MEGF11: variants seen among roughly 807,000 people sequenced by gnomAD.
MEGF11 encodes the protein multiple EGF like domains 11.
In MEGF11, 126 loss-of-function variants were observed where a neutral mutation model predicts 146.6. The observed-to-expected ratio is 0.86, with a 90% CI of 0.74 to 1.00. The LOEUF (loss-of-function observed/expected upper bound fraction) is 1.00, where lower values mean the gene tolerates loss of function less well. MEGF11 is among the 50% of genes least tolerant of loss of function. MEGF11 has a pLI of 0.00. For synonymous variants in MEGF11, 532 were observed against 583.4 expected, an observed-to-expected ratio of 0.91 and a Z score of 1.27; for missense variants, 1,509 against 1,521.2, an observed-to-expected ratio of 0.99 and a Z score of 0.13.
intron 4 of MEGF11, 131 bp from the exon 5 acceptor site, chr15:66,094,625 G>T (rs977874208): frequency 3.5e-5 from 25 of 705,798 alleles, no homozygotes; most frequent in African/African-American, 1.4e-4. Flanking sequence ...TGACTGGCTT[G>T]GGGGGGAAAA....
intron 1 of MEGF11, among the ~76,000 whole-genome samples, chr15:66,222,386 C>A (rs905524416): frequency 6.6e-6 from 1 of 152,166 alleles, no homozygotes; most frequent in African/African-American, 2.4e-5. Context: ...TACTCTCCCC[C>A]AATCTTCCTT....
intron 5 of MEGF11, among the ~76,000 whole-genome samples, chr15:66,085,072 C>T (rs2086049016): frequency 6.6e-6 from 1 of 152,092 alleles, no homozygotes; most frequent in Non-Finnish European, 1.5e-5. Context: ...ACTTCCCTGA[C>T]AACCTGCACG....
intron 8 of MEGF11, 99 bp from the exon 9 acceptor site, chr15:65,965,219 G>T: frequency 2.1e-6 from 2 of 975,510 alleles, no homozygotes; most frequent in Non-Finnish European, 1.5e-6. Flanking sequence ...TCTGGCCCAG[G>T]CCTGGTGTGC....
chr15:66,094,343 C>T lies in MEGF11; in HGVS notation c.394+59G>A, dbSNP rs2086445555. ...AAAATGTAGCATGCACACACCACAACCCACTCCCCTACCAAGTCAGAGCCA... is the reference window on the plus strand; with the variant it reads ...AAAATGTAGCATGCACACACCACAATCCACTCCCCTACCAAGTCAGAGCCA... On this transcript the variant is annotated intron_variant, in intron 5 of 25. Coordinates refer to ENST00000395614, the MANE Select transcript of MEGF11 (RefSeq NM_001385028.1). 4.9e-6 allele frequency: 7 copies of T among 1,433,994 alleles called. No homozygotes were observed. The South Asian group carries it at 5.1e-5, about 10-fold the overall frequency. The allele number at this position is 1,433,994 out of a possible 1,614,324, so 88.8% of individuals were successfully genotyped here.
chr15:65,926,855 C>T (rs2079389263), intron 13 of MEGF11, among the ~76,000 whole-genome samples: 1 of 152,172 alleles, frequency 6.6e-6, no homozygotes, highest in African/African-American at 2.4e-5. Context: ...CCACTTGGCT[C>T]CTGCTGAGAT....
In MEGF11 at chr15:66,094,424, C is replaced by G. The variant is rs1396511226; in HGVS notation, c.372G>C (p.Trp124Cys). The G allele has an allele frequency of 1.3e-6, 2 of 1,561,696 alleles. No homozygotes were observed. The highest frequency in any genetic ancestry group is 2.4e-5 in the East Asian group (1 of 42,002). Residue 124 changes from tryptophan to cysteine, a missense_variant, in exon 5 of 26, where the codon TGG becomes TGC. By Grantham distance (215) the Trp-to-Cys change is radical. Transcript: ENST00000395614. ...CACCGCTGGAGCAGTCGGGCCCTCC[C>G]CAGCCAGGCTCGCAGTGGCAGGTGT... ...SPDTCHCEPG[W>C]GGPDCSSGCD...
At chr15:66,177,479 C>T (rs2090416058) in intron 1 of MEGF11, among the ~76,000 whole-genome samples, 1 of 152,088 alleles carries the variant, frequency 6.6e-6, no homozygotes, top group African/African-American at 2.4e-5. Flanking sequence ...CTTTCTCCTC[C>T]GATGTCACAT....
chr15:65,997,583 G>A (rs897375572), intron 5 of MEGF11, among the ~76,000 whole-genome samples: 1 of 151,960 alleles, frequency 6.6e-6, no homozygotes, highest in African/African-American at 2.4e-5. Context: ...TATCTAATAC[G>A]ATGTAACCAC....
At chr15:65,990,199 C>G (rs1247604734) in intron 5 of MEGF11, among the ~76,000 whole-genome samples, 1 of 150,486 alleles carries the variant, frequency 6.6e-6, no homozygotes, top group Non-Finnish European at 1.5e-5. Context: ...AACAGAGACT[C>G]TGTCTCTAAA....
At chr15:66,033,100 A>T (rs76607248) in intron 5 of MEGF11, among the ~76,000 whole-genome samples, 1 of 143,198 alleles carries the variant, frequency 7.0e-6, no homozygotes, top group Admixed American at 7.0e-5. Context: ...AAAAAAAAAA[A>T]AAAAAGAAGC....
At chr15:66,060,300 C>A (rs2084849873) in intron 5 of MEGF11, among the ~76,000 whole-genome samples, 1 of 152,118 alleles carries the variant, frequency 6.6e-6, no homozygotes, top group Non-Finnish European at 1.5e-5. Context: ...GAGCAAGCAC[C>A]AAAGCCTCAG....
chr15:66,087,700 C>T (rs1373721848), intron 5 of MEGF11, among the ~76,000 whole-genome samples: 8 of 152,128 alleles, frequency 5.3e-5, no homozygotes, highest in South Asian at 2.1e-4. Context: ...TAGCCCTAAA[C>T]GCCTTCATCA....
chr15:66,117,064 C>T (rs1170594062), intron 4 of MEGF11, among the ~76,000 whole-genome samples: 1 of 152,164 alleles, frequency 6.6e-6, no homozygotes, highest in Non-Finnish European at 1.5e-5. Flanking sequence ...AATAAGGATA[C>T]CTTCCTCATA....
chr15:66,075,763 T>A (rs915903840), intron 5 of MEGF11, among the ~76,000 whole-genome samples: 1 of 152,214 alleles, frequency 6.6e-6, no homozygotes, highest in Non-Finnish European at 1.5e-5. Flanking sequence ...GAGAATGAGC[T>A]AAGCCACCTT....
At chr15:66,122,490 T>C (rs997998330) in intron 3 of MEGF11, among the ~76,000 whole-genome samples, 2 of 152,186 alleles carry the variant, frequency 1.3e-5, no homozygotes, top group African/African-American at 4.8e-5. Context: ...GATTCCTGAA[T>C]TATCCTCAAA....
chr15:65,980,213 A>G (rs1291704691), intron 7 of MEGF11, among the ~76,000 whole-genome samples: 1 of 152,164 alleles, frequency 6.6e-6, no homozygotes, highest in Non-Finnish European at 1.5e-5. Context: ...GAAGAATTCA[A>G]TTTCTTTGCA....
chr15:66,221,622 T>TTTTTTTTTTTTTTTTTTTGA (rs1247289020), intron 1 of MEGF11, among the ~76,000 whole-genome samples: 1 of 151,628 alleles, frequency 6.6e-6, no homozygotes, highest in Non-Finnish European at 1.5e-5. Context: ...TCTCTTTATT[T>TTTTTTTTTTTTTTTTTTTGA]GAGTATATGT....
chr15:66,150,078 T>C (rs2089508012), intron 1 of MEGF11, among the ~76,000 whole-genome samples: 1 of 152,240 alleles, frequency 6.6e-6, no homozygotes, highest in Non-Finnish European at 1.5e-5. Context: ...GGCGGGAGCC[T>C]GGGAGAAGCA....
intron 5 of MEGF11, among the ~76,000 whole-genome samples, chr15:65,990,591 GAAAGA>G (rs1258894078): frequency 1.0e-3 from 94 of 92,194 alleles, no homozygotes; most frequent in African/African-American, 3.4e-3. Context: ...AGGAAAGAAA[GAAAGA>G]AAAGAAAAGA....
Sources: allele counts gnomAD v4.1 joint callset (sites outside exome capture counted in the v4.1 genomes callset), GRCh38; gene constraint gnomAD v4.1.1; transcripts MANE v1.5; gene names NCBI Gene and HGNC (gene_info 2026-07-23, HGNC 2026-07-21).